The following ERCC6 variants were observed in gnomAD, a reference collection of about 807,000 sequenced individuals.
ERCC6 encodes ERCC excision repair 6, chromatin remodeling factor.
ERCC6 carries 116 observed loss-of-function variants against 158.7 expected under a neutral mutation model. The observed-to-expected ratio is 0.73, with a 90% CI of 0.63 to 0.85. The LOEUF (loss-of-function observed/expected upper bound fraction) is 0.85. Among genes scored for constraint, ERCC6 ranks in the 40% least tolerant of loss-of-function variants. The pLI, the probability that ERCC6 is intolerant of heterozygous loss-of-function variation, is 0.00. For missense variants in ERCC6, 1,698 were observed against 1,799.4 expected (o/e 0.94, Z 1.02); for synonymous variants, 678 against 659.3 (o/e 1.03, Z -0.43).
Position 49,459,133 on chromosome 10 carries a change from TGAG to T in ERCC6, c.4161_4163del (p.Ser1388del). On this transcript the variant is annotated inframe_deletion, in exon 21 of 21. Transcript: ENST00000355832. ...TTCTAGCTCTCATTTTAGCCAAGAG[TGAG>T]GAGGAAGCGAGGGGCCCGGATGAAG... The T allele has an allele frequency of 6.2e-7, 1 of 1,614,136 alleles. No homozygotes were observed. Among genetic ancestry groups the T allele is most frequent in the Non-Finnish European group, 8.5e-7 (1 of 1,180,036 alleles).
intron 7 of ERCC6, among the ~76,000 whole-genome samples, chr10:49,499,477 C>T (rs1214656057): frequency 6.6e-6 from 1 of 152,188 alleles, no homozygotes; most frequent in Non-Finnish European, 1.5e-5. Flanking sequence ...GAACTTTCGG[C>T]AGTTGCTGAC....
At chr10:49,531,986 G>C (rs148180541) in intron 2 of ERCC6, among the ~76,000 whole-genome samples, 58 of 152,184 alleles carry the variant, frequency 3.8e-4, no homozygotes, top group Admixed American at 2.7e-3. Context: ...AACGTGCTAT[G>C]CTCAAAACAG....
At chr10:49,505,789 A>G in intron 6 of ERCC6, 95 bp downstream of exon 6, 1 of 1,395,600 alleles carries the variant, frequency 7.2e-7, no homozygotes, top group Non-Finnish European at 1.0e-6. Context: ...AAGTACCTTC[A>G]GGGCCCACAG....
chr10:49,449,384 T>C (rs1346024147), downstream of ERCC6, among the ~76,000 whole-genome samples: 1 of 152,150 alleles, frequency 6.6e-6, no homozygotes, highest in African/African-American at 2.4e-5. Flanking sequence ...TCTTTTCCCT[T>C]TCTTGATGGT....
rs4253216 is a variant in ERCC6, at chr10:49,462,837, T to C, written c.3779-1281A>G. Among the ~76,000 whole-genome samples, 1,516 of 152,336 alleles carry C rather than the reference T, an allele frequency of 1.0e-2. 19 individuals carry two copies. Among genetic ancestry groups the C allele is most frequent in the African/African-American group, 0.035 (1,438 of 41,582 alleles). ...TAACACCACACTCTTGACAAGCCTC[T>C]GGGCAACAACTGCTCGTGACAATTC... On this transcript the variant is annotated intron_variant, in intron 18 of 20. Coordinates refer to ENST00000355832, the MANE Select transcript of ERCC6 (RefSeq NM_000124.4).
At chr10:49,481,346 A>G (rs1237501154) in intron 10 of ERCC6, among the ~76,000 whole-genome samples, 1 of 152,202 alleles carries the variant, frequency 6.6e-6, no homozygotes, top group African/African-American at 2.4e-5. Context: ...TTTTTTAAAA[A>G]AAAGAATGGT....
chr10:49,454,053 C>T (rs73297746), downstream of ERCC6, among the ~76,000 whole-genome samples: 5,572 of 152,186 alleles, frequency 0.037, 347 homozygotes, highest in African/African-American at 0.13. Flanking sequence ...TTTTCTTCTG[C>T]TCTTCTTGTA....
At chr10:49,516,842 T>C (rs1225627080) in intron 5 of ERCC6, 1 of 1,614,078 alleles carries the variant, frequency 6.2e-7, no homozygotes, top group Non-Finnish European at 8.5e-7. Context: ...TAAACGTAGA[T>C]GGAACTTCAT....
rs1850499902 is a variant in ERCC6 at position 49,457,346 on chromosome 10, A to G, written c.*1469T>C. The G allele has an allele frequency of 6.6e-6, 1 of 152,238 alleles. No homozygotes were observed. The highest frequency in any genetic ancestry group is 2.4e-5 in the African/African-American group (1 of 41,462). 9.4% of individuals were successfully genotyped at this position (152,238 alleles called of 1,614,324 possible). A position where few individuals can be genotyped will look rare whatever the true frequency, so the allele number is the denominator to read the frequency against. ...ACCAAACTAAAAACAAAAGAAATGAACAAGCTATAATCCAAAAAAAACTAG... is the reference window on the plus strand; with the variant it reads ...ACCAAACTAAAAACAAAAGAAATGAGCAAGCTATAATCCAAAAAAAACTAG... On this transcript the variant is annotated 3_prime_UTR_variant, in exon 21 of 21. Transcript: ENST00000355832.
chr10:49,483,500 T>C lies in ERCC6; in HGVS notation c.1838A>G (p.Asp613Gly). The C allele has an allele frequency of 1.9e-6, 3 of 1,614,114 alleles. No homozygotes were observed. In the South Asian group the frequency reaches 3.3e-5, roughly 18 times the overall value. ...YTHKKEKLIR[D>G]VAHCHGILIT... The stretch of plus-strand genomic sequence containing the variant: ...CAAAATTCCATGACAATGAGCAACA[T>C]CTCGAATTAGTTTCTCCTGAGACCA... The change falls in exon 9 of 21, where the codon GAT (aspartate) becomes GGT (glycine). Residue 613 changes from aspartate to glycine, a missense_variant. By Grantham distance (94) the Asp-to-Gly change is moderately conservative. Coordinates refer to ENST00000355832, the MANE Select transcript of ERCC6 (RefSeq NM_000124.4).
intron 8 of ERCC6, among the ~76,000 whole-genome samples, chr10:49,490,018 GA>G (rs2132560626): frequency 6.6e-6 from 1 of 152,048 alleles, no homozygotes; most frequent in African/African-American, 2.4e-5. Flanking sequence ...CTCTATATTA[GA>G]AAAAAGGATC....
rs1272358401 is a variant in ERCC6 at position 49,454,977 on chromosome 10, T to C, written c.*3838A>G. Among the ~76,000 whole-genome samples, 1 of 152,146 alleles carries C rather than the reference T, an allele frequency of 6.6e-6. No individual in the cohort carries two copies. The highest frequency in any genetic ancestry group is 2.4e-5 in the African/African-American group (1 of 41,444). On this transcript the variant is annotated 3_prime_UTR_variant, in exon 21 of 21. Coordinates refer to ENST00000355832, the MANE Select transcript of ERCC6 (RefSeq NM_000124.4). ...GTGCTAGGGAAACTAGCTATCCATA[T>C]GGGATTAATAATTCATAAGAATGTA...
downstream of ERCC6, among the ~76,000 whole-genome samples, chr10:49,451,053 C>T (rs1329467228): frequency 2.0e-5 from 3 of 152,102 alleles, no homozygotes; most frequent in Admixed American, 6.6e-5. Flanking sequence ...CCTCATGATC[C>T]ACCTGCCTCG....
chr10:49,500,461 A>G, intron 7 of ERCC6, 77 bp downstream of exon 7: 1 of 1,467,262 alleles, frequency 6.8e-7, no homozygotes, highest in South Asian at 1.1e-5. Flanking sequence ...AATTCACAAG[A>G]CCCTCCTCCA....
chr10:49,481,980 G>A (rs1850988273), intron 10 of ERCC6, among the ~76,000 whole-genome samples: 1 of 152,146 alleles, frequency 6.6e-6, no homozygotes, highest in South Asian at 2.1e-4. Flanking sequence ...ATCCTCCAGA[G>A]TCCTGCTCAG....
At chr10:49,518,286 T>C (rs906716621) in intron 5 of ERCC6, among the ~76,000 whole-genome samples, 1 of 152,218 alleles carries the variant, frequency 6.6e-6, no homozygotes, top group Non-Finnish European at 1.5e-5. Flanking sequence ...AACCAGGCAC[T>C]GAAACAATGC....
chr10:49,469,616 G>A (rs1456570681), intron 18 of ERCC6, among the ~76,000 whole-genome samples: 1 of 152,154 alleles, frequency 6.6e-6, no homozygotes, highest in Non-Finnish European at 1.5e-5. Context: ...CTTAAACTGA[G>A]TACCATAAGC....
chr10:49,512,572 A>T (rs1836839245), intron 5 of ERCC6, among the ~76,000 whole-genome samples: 1 of 152,262 alleles, frequency 6.6e-6, no homozygotes, highest in African/African-American at 2.4e-5. Context: ...TCAATAAAAC[A>T]AAGTTTGTAA....
chr10:49,536,489 G>C (rs1031232757), intron 1 of ERCC6, among the ~76,000 whole-genome samples: 1 of 152,204 alleles, frequency 6.6e-6, no homozygotes, highest in African/African-American at 2.4e-5. Flanking sequence ...ATCTAAATTT[G>C]CAGGTGGAAA....
Sources: allele counts gnomAD v4.1 joint callset (sites outside exome capture counted in the v4.1 genomes callset), GRCh38; gene constraint gnomAD v4.1.1; transcripts MANE v1.5; gene names NCBI Gene and HGNC (gene_info 2026-07-23, HGNC 2026-07-21).